FCRL3: variants seen among roughly 807,000 people sequenced by gnomAD.
The protein encoded by FCRL3 is Fc receptor like 3.
A neutral mutation model predicts 75.0 loss-of-function variants in FCRL3; 89 were observed. That is an observed-to-expected ratio of 1.19 (90% CI 1.00 to 1.42). FCRL3 has a LOEUF of 1.42. Among genes scored for constraint, FCRL3 ranks in the 40% most tolerant of loss-of-function variants. The pLI is 0.00. For missense variants in FCRL3, 946 were observed against 880.0 expected, an observed-to-expected ratio of 1.07 and a Z score of -0.95; for synonymous variants, 376 against 348.5, an observed-to-expected ratio of 1.08 and a Z score of -0.88.
chr1:157,679,744 C>T (rs958497974), intron 13 of FCRL3, among the ~76,000 whole-genome samples: 14 of 144,316 alleles, frequency 9.7e-5, no homozygotes, highest in Non-Finnish European at 1.8e-4. Context: ...CAGGAGAATC[C>T]CTTGAACCCA....
At chr1:157,690,185 T>G (rs1655425492) in intron 9 of FCRL3, 70 bp downstream of exon 9, 2 of 1,565,614 alleles carry the variant, frequency 1.3e-6, no homozygotes, top group Non-Finnish European at 1.7e-6. Flanking sequence ...TAGTAGAATT[T>G]GTACAATCTG....
Position 157,678,767 on chromosome 1 carries a change from T to C in FCRL3, c.2148A>G (p.Glu716=). ...CATTCTCATAGTTTTCTTCATCATC[T>C]TCTTCATGGGCCCTGCCTCTGCTGC... The part of the protein sequence containing the change: ...EASSRGRAHE[E]DDEENYENVP... The change falls in exon 15 of 15, where the codon GAA becomes GAG. Residue 716 remains glutamate (E), a synonymous_variant. Transcript: ENST00000368184. The C allele has an allele frequency of 6.2e-7, 1 of 1,614,104 alleles. No homozygotes were observed. The highest frequency in any genetic ancestry group is 8.5e-7 in the Non-Finnish European group (1 of 1,179,986).
In FCRL3 at chr1:157,695,541, A is replaced by G. The variant is rs1406440169; in HGVS notation, c.1199T>C (p.Leu400Pro). 1 of 1,614,160 alleles carries G rather than the reference A, an allele frequency of 6.2e-7. No homozygotes were observed. Among genetic ancestry groups the G allele is most frequent in the East Asian group, 2.2e-5 (1 of 44,878 alleles). ...TCTCAGGGACTCACAGTGAAGCTCC[A>G]GCAGGTCCCCCACCACAGTGTGGGC... ...PRAHTVVGDL[L>P]ELHCESLRGS... The change falls in exon 8 of 15, where the codon CTG becomes CCG. Residue 400 changes from leucine to proline, a missense_variant. Coordinates refer to ENST00000368184, the MANE Select transcript of FCRL3 (RefSeq NM_052939.4).
Position 157,677,303 on chromosome 1 carries a change from T to G in FCRL3, c.*1407A>C, listed in dbSNP as rs1654521670. On this transcript the variant is annotated 3_prime_UTR_variant, in exon 15 of 15. Coordinates refer to ENST00000368184, the MANE Select transcript of FCRL3 (RefSeq NM_052939.4). ...GTAGTGTATCTCCAGAAATGGTGATTGTTTGAATGCATGTAAGACATTCCC... is the reference window on the plus strand; with the variant it reads ...GTAGTGTATCTCCAGAAATGGTGATGGTTTGAATGCATGTAAGACATTCCC... The G allele has an allele frequency of 8.1e-6, 8 of 988,376 alleles. No homozygotes were observed. In the South Asian group the frequency reaches 2.3e-4, roughly 29 times the overall value. 61.2% of individuals were successfully genotyped at this position (988,376 alleles called of 1,614,324 possible). A position where few individuals can be genotyped will look rare whatever the true frequency, so the allele number is the denominator to read the frequency against.
chr1:157,679,828 C>CAAAAAAAAAAATAAAA (rs879258382), intron 13 of FCRL3, among the ~76,000 whole-genome samples: 1 of 27,906 alleles, frequency 3.6e-5, no homozygotes, highest in Admixed American at 7.1e-4. Flanking sequence ...GACCCCATCT[C>CAAAAAAAAAAATAAAA]ACAAAAAAAA....
chr1:157,678,559 G>C lies in FCRL3; in HGVS notation c.*151C>G. 6.7e-7 allele frequency: 1 copy of C among 1,490,160 alleles called. No homozygotes were observed. The highest frequency in any genetic ancestry group is 8.9e-7 in the Non-Finnish European group (1 of 1,129,462). 92.3% of individuals were successfully genotyped at this position (1,490,160 alleles called of 1,614,324 possible). ...TGGGGAACACACAGATCAGGCACAG[G>C]GGAGATTTGCAGACCTTTTGCTCAG... On this transcript the variant is annotated 3_prime_UTR_variant, in exon 15 of 15. Coordinates refer to ENST00000368184, the MANE Select transcript of FCRL3 (RefSeq NM_052939.4).
intron 8 of FCRL3, among the ~76,000 whole-genome samples, chr1:157,693,906 C>A (rs1343568810): frequency 6.6e-6 from 1 of 152,096 alleles, no homozygotes; most frequent in South Asian, 2.1e-4. Flanking sequence ...TGCCACCATG[C>A]CCAACTGAAT....
chr1:157,688,613 TA>T (rs58535951), intron 10 of FCRL3, among the ~76,000 whole-genome samples: 1,524 of 137,748 alleles, frequency 0.011, 13 homozygotes, highest in African/African-American at 0.026. Context: ...TAAGAAATGT[TA>T]AAAAAAAAAA....
In FCRL3 at chr1:157,700,594, A is replaced by G. The variant is rs1029883645; in HGVS notation, c.-96-9T>C. 2.9e-5 allele frequency: 47 copies of G among 1,594,474 alleles called. No individual in the cohort carries two copies. The African/African-American group carries it at 5.2e-4, about 17-fold the overall frequency. ...TGCTACTCAGATGAGACCTGCAAGA[A>G]TCAGAAAAGGGAAGAAGAGCTTAGT... is the stretch of plus-strand genomic sequence containing the variant. On this transcript the variant is annotated splice_polypyrimidine_tract_variant and intron_variant, in intron 1 of 14. Coordinates refer to ENST00000368184, the MANE Select transcript of FCRL3 (RefSeq NM_052939.4).
At chr1:157,696,669 A>G (rs983976328) in intron 6 of FCRL3, 3 of 303,164 alleles carry the variant, frequency 9.9e-6, no homozygotes, top group Non-Finnish European at 1.8e-5. Context: ...TGTTTTGAAG[A>G]TCAAAATAGA....
rs149691502 is a variant in FCRL3 at position 157,687,716 on chromosome 1, A to C, written c.1810+2082T>G. Among the ~76,000 whole-genome samples the C allele has an allele frequency of 2.2e-3, 337 of 151,744 alleles. 1 individual carries two copies. Among genetic ancestry groups the C allele is most frequent in the African/African-American group, 7.8e-3 (324 of 41,394 alleles). ...CCAAATACCACATGTTCTCACTTATAAGTGGGACCTAAACATTGAGCAAAC... is the reference window on the plus strand; with the variant it reads ...CCAAATACCACATGTTCTCACTTATCAGTGGGACCTAAACATTGAGCAAAC... On this transcript the variant is annotated intron_variant, in intron 10 of 14. Transcript: ENST00000368184.
In FCRL3 at chr1:157,700,497, G is replaced by T. The variant is rs370527134; in HGVS notation, c.-8C>A. On this transcript the variant is annotated 5_prime_UTR_variant, in exon 2 of 15. Transcript: ENST00000368184. ...CAGCAGCCACAGAAGCATGGGCACCGGCCGGGCAGAGGGTTGGGAAAGTCT... is the reference window on the plus strand; with the variant it reads ...CAGCAGCCACAGAAGCATGGGCACCTGCCGGGCAGAGGGTTGGGAAAGTCT... The T allele has an allele frequency of 6.2e-7, 1 of 1,614,064 alleles. No homozygotes were observed. Among genetic ancestry groups the T allele is most frequent in the African/African-American group, 1.3e-5 (1 of 75,052 alleles).
intron 2 of FCRL3, 78 bp from the exon 3 acceptor site, chr1:157,699,790 T>A (rs58517866): frequency 0.2 from 295,834 of 1,495,442 alleles, 30,252 homozygotes; most frequent in Middle Eastern, 0.25. Flanking sequence ...ACTTCTTTTG[T>A]TTTTCCTTAT....
At chr1:157,697,572 C>G in intron 5 of FCRL3, 87 bp downstream of exon 5, 3 of 1,507,012 alleles carry the variant, frequency 2.0e-6, no homozygotes, top group Non-Finnish European at 2.7e-6. Flanking sequence ...ATAGGAGACT[C>G]TTTATGAAAT....
chr1:157,676,584 AG>A lies in FCRL3; in HGVS notation c.*2125del. On this transcript the variant is annotated 3_prime_UTR_variant, in exon 15 of 15. Transcript: ENST00000368184. The stretch of plus-strand genomic sequence containing the variant: ...GTTGTGAATTCAAAGATAAAAGTCA[AG>A]TAGAGCACTGCATGAGAATAATTCA... 1.2e-6 allele frequency: 1 copy of A among 835,918 alleles called. No individual in the cohort carries two copies. The highest frequency in any genetic ancestry group is 2.3e-5 in the South Asian group (1 of 43,574). The allele number at this position is 835,918 out of a possible 1,614,324, so 51.8% of individuals were successfully genotyped here.
chr1:157,692,241 C>CT (rs1315690409), intron 8 of FCRL3, among the ~76,000 whole-genome samples: 5 of 151,822 alleles, frequency 3.3e-5, no homozygotes, highest in South Asian at 4.2e-4. Flanking sequence ...TTTCTGTATT[C>CT]TTTTTTTGTT....
chr1:157,689,899 G>A lies in FCRL3; in HGVS notation c.1709C>T (p.Thr570Ile), dbSNP rs748580944. Residue 570 changes from threonine to isoleucine, a missense_variant, in exon 10 of 15, where the codon ACA (threonine) becomes ATA (isoleucine). Thr to Ile is a moderately conservative substitution (Grantham distance 89). Coordinates refer to ENST00000368184, the MANE Select transcript of FCRL3 (RefSeq NM_052939.4). ...LNVTGTSRNR[T>I]GLTAAGITGL... ...CGTGATTCCCGCAGCGGTAAGGCCTGTTCTGTTCCTGGAAGTTCCTGAGTG... is the reference window on the plus strand; with the variant it reads ...CGTGATTCCCGCAGCGGTAAGGCCTATTCTGTTCCTGGAAGTTCCTGAGTG... The A allele has an allele frequency of 1.2e-6, 2 of 1,614,184 alleles. No homozygotes were observed. The highest frequency in any genetic ancestry group is 1.6e-4 in the Middle Eastern group (1 of 6,062).
rs559835615 is a variant in FCRL3 at position 157,695,360 on chromosome 1, C to T, written c.1380G>A (p.Gln460=). The part of the protein sequence containing the change: ...SCDADNGLGA[Q]HSHGVSLRVT... Reference sequence around the variant, plus strand: ...CCCTGAGACTCACTCCATGACTGTGCTGGGCCCCCAGGCCATTGTCTGCAT... The same window carrying T: ...CCCTGAGACTCACTCCATGACTGTGTTGGGCCCCCAGGCCATTGTCTGCAT... Residue 460 remains glutamine (Q), a synonymous_variant, in exon 8 of 15, where the codon CAG becomes CAA. Transcript: ENST00000368184. The T allele has an allele frequency of 1.9e-6, 3 of 1,613,902 alleles. No homozygotes were observed. The highest frequency in any genetic ancestry group is 1.7e-5 in the Admixed American group (1 of 60,012).
chr1:157,681,898 G>A (rs2101589742), intron 11 of FCRL3, among the ~76,000 whole-genome samples: 1 of 152,092 alleles, frequency 6.6e-6, no homozygotes, highest in Middle Eastern at 3.4e-3. Context: ...ATCTTCTCCA[G>A]CACCTGTTGT....
Sources: gnomAD v4.1 joint callset for allele counts (sites outside exome capture counted in the v4.1 genomes callset) on GRCh38, gnomAD v4.1.1 for gene constraint, MANE v1.5 for transcripts, NCBI Gene and HGNC (gene_info 2026-07-23, HGNC 2026-07-21) for gene names.